Variants in TLL2 observed in about 807,000 individuals in gnomAD.
TLL2 encodes tolloid like 2.
Under a neutral mutation model 123.0 loss-of-function variants are expected in TLL2, and 106 were observed. That is an observed-to-expected ratio of 0.86 (90% CI 0.74 to 1.01). The LOEUF is 1.01. Among genes scored for constraint, TLL2 ranks in the 50% least tolerant of loss-of-function variants. The pLI is 0.00. For synonymous variants in TLL2, 494 were observed against 516.8 expected, an observed-to-expected ratio of 0.96 and a Z score of 0.60; for missense variants, 1,332 against 1,336.7, an observed-to-expected ratio of 1.00 and a Z score of 0.06.
In TLL2 at chr10:96,453,226, C is replaced by T. The variant is rs1023045995; in HGVS notation, c.287-7058G>A. 2.0e-4 allele frequency among the ~76,000 whole-genome samples: 30 copies of T among 152,170 alleles called. 1 individual carries two copies. Among genetic ancestry groups the T allele is most frequent in the Admixed American group, 5.9e-4 (9 of 15,290 alleles). On this transcript the variant is annotated intron_variant, in intron 2 of 20. Coordinates refer to ENST00000357947, the MANE Select transcript of TLL2 (RefSeq NM_012465.4). ...ATCCCAGCACTTCGGGAGGCAGAGG[C>T]GGGCGGATCACGTGAGGTCAGGAGT...
At chr10:96,486,521 G>T (rs758973493) in intron 1 of TLL2, among the ~76,000 whole-genome samples, 4 of 152,218 alleles carry the variant, frequency 2.6e-5, no homozygotes, top group Non-Finnish European at 5.9e-5. Flanking sequence ...ATCGAAGAAG[G>T]CTGCTCTATA....
chr10:96,462,303 G>A (rs1321363534), intron 2 of TLL2, among the ~76,000 whole-genome samples: 5 of 152,168 alleles, frequency 3.3e-5, no homozygotes, highest in African/African-American at 1.2e-4. Flanking sequence ...AGAGATGGAG[G>A]ATGAAAACCT....
intron 4 of TLL2, among the ~76,000 whole-genome samples, chr10:96,431,335 G>T (rs910342322): frequency 6.6e-6 from 1 of 152,150 alleles, no homozygotes; most frequent in Non-Finnish European, 1.5e-5. Context: ...CTGCGGGAGC[G>T]AAAGGGAACT....
At chr10:96,422,865 C>T (rs774571488) in intron 5 of TLL2, 138 bp from the exon 6 acceptor site, 14 of 1,035,912 alleles carry the variant, frequency 1.4e-5, no homozygotes, top group South Asian at 4.7e-5. Flanking sequence ...CAGTGGCTTA[C>T]GCCTGTAATC....
rs1248092706 is a variant in TLL2 at position 96,395,886 on chromosome 10, G to A, written c.1519C>T (p.Gln507Ter). ...TGAGCAGCACTCACCTCAAAAGCTT[G>A]GAAGGTAAGTCCCACGTGAAACCCC... Reference protein sequence around the residue: ...SEGFHVGLTFQAFEIERHDSC... With the variant: ...SEGFHVGLTF Residue 507 changes from glutamine (Q) to a stop codon, truncating the protein, a stop_gained, in exon 12 of 21, where the codon CAA (glutamine) becomes TAA (stop). Transcript: ENST00000357947. LOFTEE classifies it high-confidence loss of function. 6 of 1,614,076 alleles carry A rather than the reference G, an allele frequency of 3.7e-6. No individual in the cohort carries two copies. Among genetic ancestry groups the A allele is most frequent in the Non-Finnish European group, 4.2e-6 (5 of 1,180,038 alleles).
chr10:96,395,967 A>T lies in TLL2; in HGVS notation c.1438T>A (p.Tyr480Asn), dbSNP rs748907132. Residue 480 changes from tyrosine to asparagine, a missense_variant, in exon 12 of 21, where the codon TAT becomes AAT. By Grantham distance (143) the Tyr-to-Asn change is moderately radical (BLOSUM62 -2). Transcript: ENST00000357947. ...TTGGAAGGTCTGTAGTCATCCGGAT[A>T]GTTGGGAGATTGAATCTGACCGGCA... ...KDAGQIQSPN[Y>N]PDDYRPSKEC... 2.0e-5 allele frequency: 32 copies of T among 1,614,104 alleles called. No individual in the cohort carries two copies. In the Admixed American group the frequency reaches 5.3e-4, roughly 27 times the overall value.
chr10:96,421,971 A>T (rs1399766326), intron 6 of TLL2, among the ~76,000 whole-genome samples: 1 of 152,240 alleles, frequency 6.6e-6, no homozygotes, highest in East Asian at 1.9e-4. Context: ...AAGCATTTGT[A>T]AGGCAATCAT....
chr10:96,475,353 G>T (rs1847228807), intron 2 of TLL2, among the ~76,000 whole-genome samples: 1 of 152,184 alleles, frequency 6.6e-6, no homozygotes, highest in Non-Finnish European at 1.5e-5. Flanking sequence ...CCTCACCATT[G>T]GCACAGAAAG....
At chr10:96,412,362 T>C (rs189979675) in intron 8 of TLL2, among the ~76,000 whole-genome samples, 135 of 152,316 alleles carry the variant, frequency 8.9e-4, no homozygotes, top group African/African-American at 3.1e-3. Flanking sequence ...AGGCTATTGG[T>C]AATGGAACTT....
intron 1 of TLL2, among the ~76,000 whole-genome samples, chr10:96,503,613 A>G (rs1301815626): frequency 1.3e-5 from 2 of 152,146 alleles, no homozygotes; most frequent in African/African-American, 4.8e-5. Context: ...GGAGGTGAGG[A>G]GAGTGGTTGG....
intron 2 of TLL2, among the ~76,000 whole-genome samples, chr10:96,472,360 A>G (rs1347128170): frequency 1.3e-5 from 2 of 152,170 alleles, no homozygotes; most frequent in Non-Finnish European, 2.9e-5. Flanking sequence ...TCCTACCCCA[A>G]CAAATAAAAC....
At chr10:96,456,510 C>G (rs1015887216) in intron 2 of TLL2, among the ~76,000 whole-genome samples, 11 of 152,206 alleles carry the variant, frequency 7.2e-5, no homozygotes, top group Non-Finnish European at 1.6e-4. Flanking sequence ...TAACTCCATT[C>G]CACCAGGGAG....
chr10:96,375,648 T>C (rs963696882), intron 18 of TLL2, among the ~76,000 whole-genome samples: 1 of 152,190 alleles, frequency 6.6e-6, no homozygotes, highest in African/African-American at 2.4e-5. Context: ...AACTGCCCGC[T>C]GGGAGCACCC....
At chr10:96,434,019 C>T (rs1358723378) in intron 3 of TLL2, among the ~76,000 whole-genome samples, 6 of 152,200 alleles carry the variant, frequency 3.9e-5, no homozygotes, top group Non-Finnish European at 5.9e-5. Flanking sequence ...AAGTGATCCA[C>T]CCGCCTAGGC....
At chr10:96,421,109 C>T in intron 6 of TLL2, 48 bp from the exon 7 acceptor site, 1 of 1,475,072 alleles carries the variant, frequency 6.8e-7, no homozygotes, top group Non-Finnish European at 9.5e-7. Flanking sequence ...AGTCAGGCAC[C>T]TGAAAGGAGG....
intron 9 of TLL2, among the ~76,000 whole-genome samples, chr10:96,406,772 G>A (rs1038153082): frequency 6.6e-5 from 10 of 152,054 alleles, no homozygotes; most frequent in African/African-American, 1.5e-4. Context: ...TCCAAACAAA[G>A]CATTTCCTTT....
chr10:96,381,760 T>C (rs1309483979), intron 16 of TLL2, among the ~76,000 whole-genome samples: 1 of 152,286 alleles, frequency 6.6e-6, no homozygotes, highest in East Asian at 1.9e-4. Flanking sequence ...TTGGGGTCAT[T>C]TCCCTGGCAG....
rs1564915011 is a variant in TLL2, at chr10:96,476,246, T to TG, written c.286+4102_286+4103insC. 3.1e-4 allele frequency among the ~76,000 whole-genome samples: 5 copies of TG among 16,152 alleles called. 1 individual carries two copies. Among genetic ancestry groups the TG allele is most frequent in the African/African-American group, 8.6e-4 (5 of 5,828 alleles). 10.6% of individuals were successfully genotyped at this position (16,152 alleles called of 152,430 possible). A position where few individuals can be genotyped will look rare whatever the true frequency, so the allele number is the denominator to read the frequency against. Reference sequence around the variant, plus strand: ...TGTATATATATATATATATATTTTATTTTTGTTGTTGTTGTTGTTGTTGAG... The same window carrying TG: ...TGTATATATATATATATATATTTTATGTTTTGTTGTTGTTGTTGTTGTTGAG... On this transcript the variant is annotated intron_variant, in intron 2 of 20. Coordinates refer to ENST00000357947, the MANE Select transcript of TLL2 (RefSeq NM_012465.4).
intron 1 of TLL2, among the ~76,000 whole-genome samples, chr10:96,482,696 A>G (rs936908663): frequency 3.3e-5 from 5 of 152,240 alleles, no homozygotes; most frequent in Admixed American, 2.6e-4. Flanking sequence ...GTAAATGAAC[A>G]TGCAGAAATT....
Sources: allele counts gnomAD v4.1 joint callset (sites outside exome capture counted in the v4.1 genomes callset), GRCh38; gene constraint gnomAD v4.1.1; transcripts MANE v1.5; gene names NCBI Gene and HGNC (gene_info 2026-07-23, HGNC 2026-07-21).